The following RNLS variants were observed in gnomAD, a reference collection of about 807,000 sequenced individuals.
The protein encoded by RNLS is renalase.
A neutral mutation model predicts 39.8 loss-of-function variants in RNLS; 39 were observed. The ratio of observed to expected loss-of-function variants is 0.98; its 90% confidence interval spans 0.76 to 1.28. RNLS has a LOEUF of 1.28. RNLS is among the 50% of genes most tolerant of loss of function. RNLS has a pLI of 0.00. For synonymous variants in RNLS, 147 were observed against 150.7 expected (o/e 0.98, Z 0.18); for missense variants, 410 against 413.3 (o/e 0.99, Z 0.07).
intron 6 of RNLS, among the ~76,000 whole-genome samples, chr10:88,293,862 C>T (rs1843868783): frequency 6.6e-6 from 1 of 152,100 alleles, no homozygotes; most frequent in African/African-American, 2.4e-5. Flanking sequence ...CACTGGATAA[C>T]CTGAGTGTGG....
chr10:88,240,169 A>G, the RNLS span, among the ~76,000 whole-genome samples: 1 of 152,184 alleles, frequency 6.6e-6, no homozygotes, highest in South Asian at 2.1e-4. Flanking sequence ...CATTTTCTAT[A>G]TACTTACAAG....
At chr10:88,252,400 C>A in the RNLS span, among the ~76,000 whole-genome samples, 1 of 152,156 alleles carries the variant, frequency 6.6e-6, no homozygotes, top group Non-Finnish European at 1.5e-5. Context: ...TGTCCAATCC[C>A]TTACCCCCAT....
intron 4 of RNLS, among the ~76,000 whole-genome samples, chr10:88,366,733 A>C: frequency 6.7e-6 from 1 of 149,280 alleles, no homozygotes; most frequent in Non-Finnish European, 1.5e-5. Context: ...AGTCAACCTG[A>C]GCTGAGCGGG....
the RNLS span, among the ~76,000 whole-genome samples, chr10:88,193,236 C>T: frequency 6.6e-6 from 1 of 152,086 alleles, no homozygotes; most frequent in Non-Finnish European, 1.5e-5. Context: ...TGCAGCTAGA[C>T]CCACAGAGCG....
chr10:88,378,017 T>TAAAC (rs960560730), intron 4 of RNLS, among the ~76,000 whole-genome samples: 1 of 152,016 alleles, frequency 6.6e-6, no homozygotes, highest in African/African-American at 2.4e-5. Flanking sequence ...AACTAAGACA[T>TAAAC]AAACACACAG....
At chr10:88,552,166 C>T (rs573616047) in intron 4 of RNLS, among the ~76,000 whole-genome samples, 1 of 152,272 alleles carries the variant, frequency 6.6e-6, no homozygotes, top group Non-Finnish European at 1.5e-5. Flanking sequence ...GAATCAGAGA[C>T]TCAGAGAGAT....
intron 4 of RNLS, among the ~76,000 whole-genome samples, chr10:88,365,776 A>C (rs1251241144): frequency 6.6e-6 from 1 of 152,004 alleles, no homozygotes; most frequent in Non-Finnish European, 1.5e-5. Context: ...TGAAGAGCAG[A>C]GGGAGAAAAA....
At chr10:88,290,205 T>C (rs535487083) in intron 6 of RNLS, among the ~76,000 whole-genome samples, 1 of 152,314 alleles carries the variant, frequency 6.6e-6, no homozygotes, top group African/African-American at 2.4e-5. Flanking sequence ...CTACAGTGCG[T>C]CCCTGGACTA....
chr10:88,448,989 G>A (rs1842203271), intron 4 of RNLS, among the ~76,000 whole-genome samples: 1 of 152,126 alleles, frequency 6.6e-6, no homozygotes, highest in Non-Finnish European at 1.5e-5. Flanking sequence ...TCACACACCG[G>A]GGCCTGTTGT....
At chr10:88,203,947 C>T in the RNLS span, among the ~76,000 whole-genome samples, 1 of 152,020 alleles carries the variant, frequency 6.6e-6, no homozygotes, top group African/African-American at 2.4e-5. Context: ...TTATCGAGCA[C>T]TTACCAGGTG....
At chr10:88,534,363 C>T (rs1847621851) in intron 4 of RNLS, among the ~76,000 whole-genome samples, 1 of 152,046 alleles carries the variant, frequency 6.6e-6, no homozygotes, top group African/African-American at 2.4e-5. Flanking sequence ...AACATCCTCA[C>T]CTTTTAAAAT....
the RNLS span, among the ~76,000 whole-genome samples, chr10:88,235,125 C>T: frequency 5.3e-5 from 8 of 151,504 alleles, no homozygotes; most frequent in Admixed American, 1.3e-4. Flanking sequence ...AGCCGGGCGT[C>T]GGGGTGGTGG....
chr10:88,180,261 A>G, the RNLS span, among the ~76,000 whole-genome samples: 7 of 152,206 alleles, frequency 4.6e-5, no homozygotes, highest in African/African-American at 1.7e-4. Flanking sequence ...TGACATATGG[A>G]TGTTTCAGAC....
At chr10:88,203,360 ATGTGTGTG>A in the RNLS span, among the ~76,000 whole-genome samples, 5 of 9,244 alleles carry the variant, frequency 5.4e-4, no homozygotes, top group African/African-American at 3.9e-3. Context: ...ATATATACGT[ATGTGTGTG>A]TATATATATA....
At chr10:88,547,482 TTAAAG>T (rs1848378118) in intron 4 of RNLS, among the ~76,000 whole-genome samples, 1 of 152,212 alleles carries the variant, frequency 6.6e-6, no homozygotes, top group Admixed American at 6.5e-5. Context: ...TATATCTGGG[TTAAAG>T]TAAATATATT....
the RNLS span, among the ~76,000 whole-genome samples, chr10:88,225,665 G>C: frequency 6.6e-6 from 1 of 151,950 alleles, no homozygotes; most frequent in Non-Finnish European, 1.5e-5. Flanking sequence ...AGTGAGCTAT[G>C]ATCAAACAAC....
At chr10:88,221,278 T>C in the RNLS span, among the ~76,000 whole-genome samples, 9 of 152,212 alleles carry the variant, frequency 5.9e-5, no homozygotes, top group African/African-American at 2.2e-4. Context: ...ATGCCTTTCA[T>C]TTTGTCAAGT....
intron 4 of RNLS, among the ~76,000 whole-genome samples, chr10:88,477,610 A>G (rs1233319838): frequency 6.6e-6 from 1 of 152,182 alleles, no homozygotes; most frequent in Non-Finnish European, 1.5e-5. Context: ...CAGAAATTTG[A>G]AGACTGTGGA....
intron 5 of RNLS, among the ~76,000 whole-genome samples, chr10:88,350,598 A>C (rs1171132657): frequency 1.3e-5 from 2 of 152,280 alleles, no homozygotes; most frequent in Middle Eastern, 3.4e-3. Flanking sequence ...TCCATGGTGT[A>C]TATGTGCCAC....
Sources: gnomAD v4.1 joint callset for allele counts (sites outside exome capture counted in the v4.1 genomes callset) on GRCh38, gnomAD v4.1.1 for gene constraint, MANE v1.5 for transcripts, NCBI Gene and HGNC (gene_info 2026-07-23, HGNC 2026-07-21) for gene names.